The following PCDH15 variants were observed in gnomAD, a reference collection of about 807,000 sequenced individuals.
PCDH15 encodes the protein protocadherin-15.
A neutral mutation model predicts 178.5 loss-of-function variants in PCDH15; 129 were observed. The observed-to-expected ratio is 0.72, with a 90% CI of 0.63 to 0.84. PCDH15 has a LOEUF of 0.84. Ranked by LOEUF, PCDH15 falls within the 40% of genes least tolerant of loss-of-function variation. The pLI, the probability that PCDH15 is intolerant of heterozygous loss-of-function variation, is 0.00. For missense variants in PCDH15, 2,230 were observed against 2,099.9 expected (o/e 1.06, Z -1.21); for synonymous variants, 800 against 732.0 (o/e 1.09, Z -1.50).
intron 2 of PCDH15, among the ~76,000 whole-genome samples, chr10:54,907,522 G>A (rs1336686713): frequency 6.6e-6 from 1 of 152,102 alleles, no homozygotes; most frequent in African/African-American, 2.4e-5. Context: ...TGTTTTCACT[G>A]TATGCTCTCT....
At chr10:53,884,538 T>C (rs773498745) in intron 26 of PCDH15, among the ~76,000 whole-genome samples, 2 of 152,180 alleles carry the variant, frequency 1.3e-5, no homozygotes, top group East Asian at 1.9e-4. Context: ...GGGCTGAAGA[T>C]TATTATCAGG....
At chr10:54,899,270 T>C (rs1354109323) in intron 2 of PCDH15, among the ~76,000 whole-genome samples, 1 of 152,126 alleles carries the variant, frequency 6.6e-6, no homozygotes, top group Non-Finnish European at 1.5e-5. Flanking sequence ...TATTTTTTAG[T>C]TCTTTAATTT....
Position 55,464,388 on chromosome 10 carries a change from A to T in PCDH15, c.-156+163237T>A, listed in dbSNP as rs755869794. 2.5e-4 allele frequency among the ~76,000 whole-genome samples: 38 copies of T among 152,030 alleles called. 1 individual carries two copies. The highest frequency in any genetic ancestry group is 4.6e-4 in the Non-Finnish European group (31 of 67,990). ...TAATAAAAATGTAAATGCCACTGTG[A>T]GTGAGAACAATAAGGAAAACAATGA... On this transcript the variant is annotated intron_variant, in intron 2 of 5. Coordinates refer to the PCDH15 transcript ENST00000613346.
intron 7 of PCDH15, among the ~76,000 whole-genome samples, chr10:54,327,447 TTATAA>T (rs1327036235): frequency 2.0e-5 from 3 of 148,936 alleles, no homozygotes; most frequent in Non-Finnish European, 4.5e-5. Flanking sequence ...TAATATATAA[TTATAA>T]TATATAAAAT....
chr10:54,132,909 G>A lies in PCDH15; in HGVS notation c.1883C>T (p.Ala628Val). 1 of 1,613,838 alleles carries A rather than the reference G, an allele frequency of 6.2e-7. No individual in the cohort carries two copies. The highest frequency in any genetic ancestry group is 8.5e-7 in the Non-Finnish European group (1 of 1,179,956). Residue 628 changes from alanine to valine, a missense_variant, in exon 15 of 38, where the codon GCC (alanine) becomes GTC (valine). By Grantham distance (64) the Ala-to-Val change is moderately conservative. Transcript: ENST00000644397. ...TAATAAAACAGCACCAACCCTCATG[G>A]CTTCACTAATTTCAAGGCTATACAT... ...QLMYSLEISE[A>V]MRVGAVLLNL...
intron 1 of PCDH15, among the ~76,000 whole-genome samples, chr10:55,215,384 G>A (rs1238276566): frequency 6.6e-6 from 1 of 152,006 alleles, no homozygotes; most frequent in Non-Finnish European, 1.5e-5. Flanking sequence ...TGTACAGTGG[G>A]CAGTATTCTG....
chr10:53,994,340 AATGT>A (rs1169725862), intron 21 of PCDH15, among the ~76,000 whole-genome samples: 1 of 152,090 alleles, frequency 6.6e-6, no homozygotes, highest in Admixed American at 6.6e-5. Flanking sequence ...ATTTTTTTTA[AATGT>A]ATGTTAGTAT....
chr10:53,806,352 A>ATAGGT lies in PCDH15; in HGVS notation c.*222_*226dup, dbSNP rs1031112578. On this transcript the variant is annotated 3_prime_UTR_variant, in exon 38 of 38. Transcript: ENST00000644397. ...AACAAAACAGCTAAATGTTTAAACG[A>ATAGGT]TAGGTTATTTAGTGAAAGTATGTCC... 4.4e-6 allele frequency: 2 copies of ATAGGT among 455,060 alleles called. No individual in the cohort carries two copies. The highest frequency in any genetic ancestry group is 4.0e-5 in the African/African-American group (2 of 50,512). The allele number at this position is 455,060 out of a possible 1,614,324, so 28.2% of individuals were successfully genotyped here. A position where few individuals can be genotyped will look rare whatever the true frequency, so the allele number is the denominator to read the frequency against.
At position 55,424,891 on chromosome 10, in the gene PCDH15, TA is replaced by T. The variant is rs71735262; in HGVS notation, c.-156+202733del. ...GTATTGCAACAGTTGATGTGGCAAT[TA>T]AAAAAAAGTGTGATATTAAAAAATA... is the stretch of plus-strand genomic sequence containing the variant. On this transcript the variant is annotated intron_variant, in intron 2 of 5. Coordinates refer to the PCDH15 transcript ENST00000613346. Among the ~76,000 whole-genome samples, 14 of 151,344 alleles carry T rather than the reference TA, an allele frequency of 9.3e-5. No individual in the cohort carries two copies. In the East Asian group the frequency reaches 1.2e-3, roughly 13 times the overall value.
chr10:54,787,943 C>T (rs1408909698), intron 1 of PCDH15, among the ~76,000 whole-genome samples: 1 of 151,752 alleles, frequency 6.6e-6, no homozygotes, highest in Non-Finnish European at 1.5e-5. Context: ...GAATAAACAG[C>T]ATGAGAAAAC....
chr10:55,100,201 A>G (rs1325124443), intron 2 of PCDH15, among the ~76,000 whole-genome samples: 1 of 152,118 alleles, frequency 6.6e-6, no homozygotes, highest in Non-Finnish European at 1.5e-5. Flanking sequence ...TTTATGCAAA[A>G]GTATTTAGGC....
intron 8 of PCDH15, among the ~76,000 whole-genome samples, chr10:54,252,690 T>G (rs2132119150): frequency 6.6e-6 from 1 of 152,294 alleles, no homozygotes; most frequent in Admixed American, 6.5e-5. Context: ...TGTAAGTGTA[T>G]AATAGTAACA....
intron 1 of PCDH15, among the ~76,000 whole-genome samples, chr10:55,203,333 T>C (rs921814437): frequency 1.2e-4 from 18 of 152,104 alleles, no homozygotes; most frequent in Non-Finnish European, 1.5e-4. Flanking sequence ...TATAACAATA[T>C]TATGAGTTCT....
At chr10:54,987,736 G>A (rs557099760) in intron 2 of PCDH15, among the ~76,000 whole-genome samples, 3 of 147,964 alleles carry the variant, frequency 2.0e-5, no homozygotes, top group East Asian at 4.0e-4. Flanking sequence ...ATTTTTTTAA[G>A]TTCCTTATAG....
intron 3 of PCDH15, among the ~76,000 whole-genome samples, chr10:54,467,607 T>G (rs1279592545): frequency 1.4e-5 from 2 of 146,820 alleles, no homozygotes; most frequent in Admixed American, 6.8e-5. Context: ...TGTAGTTTTT[T>G]TTTTTTTTTT....
chr10:54,123,879 C>T (rs1055493643), intron 15 of PCDH15, among the ~76,000 whole-genome samples: 1 of 152,086 alleles, frequency 6.6e-6, no homozygotes, highest in African/African-American at 2.4e-5. Context: ...AGGCCATCAT[C>T]CTAATTGAAT....
intron 2 of PCDH15, among the ~76,000 whole-genome samples, chr10:54,973,224 G>A (rs905394095): frequency 6.6e-6 from 1 of 152,144 alleles, no homozygotes; most frequent in Non-Finnish European, 1.5e-5. Flanking sequence ...CACATATTTA[G>A]AGAAGAAGTT....
At chr10:53,986,363 T>C (rs999930018) in intron 21 of PCDH15, among the ~76,000 whole-genome samples, 6 of 152,176 alleles carry the variant, frequency 3.9e-5, no homozygotes, top group African/African-American at 1.4e-4. Context: ...CACTTGTGCA[T>C]TGTTGGTGGA....
intron 2 of PCDH15, among the ~76,000 whole-genome samples, chr10:55,471,563 C>T (rs1490634534): frequency 6.6e-6 from 1 of 152,170 alleles, no homozygotes; most frequent in Non-Finnish European, 1.5e-5. Flanking sequence ...CCCTCCATTA[C>T]TGCCATGGCC....
Sources: allele counts gnomAD v4.1 joint callset (sites outside exome capture counted in the v4.1 genomes callset), GRCh38; gene constraint gnomAD v4.1.1; transcripts MANE v1.5; gene names NCBI Gene and HGNC (gene_info 2026-07-23, HGNC 2026-07-21).